Variants in FGL1 observed in about 807,000 individuals in gnomAD.
FGL1 encodes the protein fibrinogen-like protein 1.
FGL1 carries 59 observed loss-of-function variants against 43.7 expected under a neutral mutation model. The ratio of observed to expected loss-of-function variants is 1.35; its 90% CI spans 1.10 to 1.68. FGL1 has a LOEUF of 1.68. FGL1 is among the 40% of genes most tolerant of loss of function. The probability of loss-of-function intolerance (pLI) is 0.00; values close to 1 mark genes in which losing one functional copy is unlikely to be tolerated. For synonymous variants in FGL1, 192 were observed against 126.5 expected, an observed-to-expected ratio of 1.52 and a Z score of -3.48; for missense variants, 596 against 373.0, an observed-to-expected ratio of 1.60 and a Z score of -4.92.
intron 5 of FGL1, among the ~76,000 whole-genome samples, chr8:17,872,419 C>T (rs1180742190): frequency 2.0e-5 from 3 of 150,964 alleles, no homozygotes; most frequent in African/African-American, 7.4e-5. Flanking sequence ...TCTCCTGCCT[C>T]AGCCTCCCAA....
intron 2 of FGL1, among the ~76,000 whole-genome samples, chr8:17,883,135 T>A (rs1308205846): frequency 1.4e-5 from 1 of 71,476 alleles, no homozygotes; most frequent in Non-Finnish European, 2.3e-5. Flanking sequence ...ATATATTAAA[T>A]AATATATAAT....
At chr8:17,880,636 C>T (rs2053520935) in intron 3 of FGL1, among the ~76,000 whole-genome samples, 1 of 152,146 alleles carries the variant, frequency 6.6e-6, no homozygotes, top group Non-Finnish European at 1.5e-5. Context: ...CATTCTAGAC[C>T]TCACAGAGTG....
intron 7 of FGL1, 84 bp from the exon 8 acceptor site, chr8:17,864,835 C>G: frequency 8.3e-7 from 1 of 1,204,586 alleles, no homozygotes; most frequent in African/African-American, 1.6e-5. Context: ...GCTACAAATG[C>G]TCAAAATTTT....
intron 3 of FGL1, among the ~76,000 whole-genome samples, chr8:17,877,054 G>C (rs1279884830): frequency 6.6e-6 from 1 of 152,144 alleles, no homozygotes; most frequent in African/African-American, 2.4e-5. Context: ...AACAAGTTAA[G>C]AAGCCTGCTT....
intron 3 of FGL1, among the ~76,000 whole-genome samples, chr8:17,876,971 C>T (rs1276870645): frequency 6.6e-6 from 1 of 152,000 alleles, no homozygotes; most frequent in East Asian, 1.9e-4. Context: ...AGTAACACAA[C>T]AACAAAACCC....
At position 17,864,873 on chromosome 8, in the gene FGL1, AC is replaced by A. The variant is rs1281930430; in HGVS notation, c.780-123del. 3 of 781,092 alleles carry A rather than the reference AC, an allele frequency of 3.8e-6. No individual in the cohort carries two copies. In the East Asian group the frequency reaches 9.8e-5, roughly 25 times the overall value. 48.4% of individuals were successfully genotyped at this position (781,092 alleles called of 1,614,324 possible). On this transcript the variant is annotated intron_variant, in intron 7 of 7. Transcript: ENST00000427924. ...AACTATGAATTCTGCCATTTTTCAG[AC>A]AAGTAAATATTTACTAGTTTCCAAA...
In FGL1 at chr8:17,880,985, C is replaced by T. The variant is rs188100795; in HGVS notation, c.244+1014G>A. 1.7e-4 allele frequency among the ~76,000 whole-genome samples: 26 copies of T among 152,100 alleles called. 1 individual carries two copies. In the East Asian group the frequency reaches 4.1e-3, roughly 24 times the overall value. The stretch of plus-strand genomic sequence containing the variant: ...TCCTTAGTAATTCTGGTTCTTTTTC[C>T]TTTTTCTGCTCCTTTATTTTTTACC... On this transcript the variant is annotated intron_variant, in intron 3 of 7. Coordinates refer to ENST00000427924, the MANE Select transcript of FGL1 (RefSeq NM_004467.4).
chr8:17,864,487 C>G lies in FGL1; in HGVS notation c.*105G>C, dbSNP rs1239393537. 11 of 1,262,816 alleles carry G rather than the reference C, an allele frequency of 8.7e-6. No individual in the cohort carries two copies. In the Admixed American group the frequency reaches 2.3e-4, roughly 26 times the overall value. 78.2% of individuals were successfully genotyped at this position (1,262,816 alleles called of 1,614,324 possible). On this transcript the variant is annotated 3_prime_UTR_variant, in exon 8 of 8. Transcript: ENST00000427924. ...CAAGTGAGAAGAATGAAAAGCACTACTCACAACAGTTATCATGATTGCGCA... is the reference window on the plus strand; with the variant it reads ...CAAGTGAGAAGAATGAAAAGCACTAGTCACAACAGTTATCATGATTGCGCA...
intron 1 of FGL1, among the ~76,000 whole-genome samples, chr8:17,890,517 G>A (rs970308345): frequency 6.6e-6 from 1 of 152,086 alleles, no homozygotes; most frequent in Non-Finnish European, 1.5e-5. Context: ...TCTGTGGTTT[G>A]CTCCATGACA....
intron 7 of FGL1, 30 bp downstream of exon 7, chr8:17,868,518 C>A: frequency 6.4e-7 from 1 of 1,562,660 alleles, no homozygotes; most frequent in Non-Finnish European, 8.7e-7. Context: ...TCATCAACTC[C>A]ATTACAACTA....
In FGL1 at chr8:17,864,565, G is replaced by A. The variant is rs76923924; in HGVS notation, c.*27C>T. ...AAATCACTTTAAACAAAGCTGAATTGCAGAAACGAAAGCCCAACAGCAGCA... is the reference window on the plus strand; with the variant it reads ...AAATCACTTTAAACAAAGCTGAATTACAGAAACGAAAGCCCAACAGCAGCA... On this transcript the variant is annotated 3_prime_UTR_variant, in exon 8 of 8. Coordinates refer to ENST00000427924, the MANE Select transcript of FGL1 (RefSeq NM_004467.4). 35,514 of 1,588,762 alleles carry A rather than the reference G, an allele frequency of 0.022. 633 individuals carry two copies. The highest frequency in any genetic ancestry group is 0.051 in the South Asian group (4,405 of 87,166).
chr8:17,873,786 C>T (rs987206761), intron 5 of FGL1, among the ~76,000 whole-genome samples: 3 of 150,360 alleles, frequency 2.0e-5, no homozygotes, highest in Admixed American at 6.7e-5. Flanking sequence ...AGATATTTCT[C>T]ATAAATATAT....
Position 17,864,492 on chromosome 8 carries a change from AAC to A in FGL1, c.*98_*99del. 1 of 1,311,258 alleles carries A rather than the reference AAC, an allele frequency of 7.6e-7. No individual in the cohort carries two copies. The highest frequency in any genetic ancestry group is 1.0e-6 in the Non-Finnish European group (1 of 962,372). 81.2% of individuals were successfully genotyped at this position (1,311,258 alleles called of 1,614,324 possible). A position where few individuals can be genotyped will look rare whatever the true frequency, so the allele number is the denominator to read the frequency against. The stretch of plus-strand genomic sequence containing the variant: ...GAGAAGAATGAAAAGCACTACTCAC[AAC>A]AGTTATCATGATTGCGCATGGATAT... On this transcript the variant is annotated 3_prime_UTR_variant, in exon 8 of 8. Transcript: ENST00000427924.
intron 1 of FGL1, among the ~76,000 whole-genome samples, chr8:17,887,167 C>A (rs1396389440): frequency 6.6e-6 from 1 of 152,136 alleles, no homozygotes; most frequent in African/African-American, 2.4e-5. Context: ...GCTCTACACT[C>A]TTCCTACCAC....
At chr8:17,865,309 G>A (rs1326905686) in intron 7 of FGL1, among the ~76,000 whole-genome samples, 1 of 152,194 alleles carries the variant, frequency 6.6e-6, no homozygotes, top group African/African-American at 2.4e-5. Flanking sequence ...GCTAAGGTGA[G>A]TGTCAGCAAA....
intron 7 of FGL1, 24 bp downstream of exon 7, chr8:17,868,524 A>G (rs775156332): frequency 4.4e-5 from 69 of 1,582,676 alleles, no homozygotes; most frequent in Non-Finnish European, 5.7e-5. Context: ...ACTCCATTAC[A>G]ACTATGCTCA....
chr8:17,868,917 T>C lies in FGL1; in HGVS notation c.590A>G (p.Lys197Arg). 1 of 1,591,482 alleles carries C rather than the reference T, an allele frequency of 6.3e-7. No individual in the cohort carries two copies. Among genetic ancestry groups the C allele is most frequent in the Non-Finnish European group, 8.5e-7 (1 of 1,170,596 alleles). Residue 197 changes from lysine (K) to arginine (R), a missense_variant and splice_region_variant, in exon 6 of 8, where the codon AAG becomes AGG. Physicochemically the swap from Lys to Arg is conservative, Grantham distance 26. Transcript: ENST00000427924. ...TTACTTCTTAGAAAATTGTAGTACCTTTTCATCTCCAACTTTGAAATTCTT... is the reference window on the plus strand; with the variant it reads ...TTACTTCTTAGAAAATTGTAGTACCCTTTCATCTCCAACTTTGAAATTCTT... ...QYKNFKVGDE[K>R]NFYELNIGEY... is the part of the protein sequence containing the mutation.
chr8:17,870,577 TTCTC>T (rs1209166571), intron 5 of FGL1, among the ~76,000 whole-genome samples: 1 of 152,162 alleles, frequency 6.6e-6, no homozygotes, highest in Non-Finnish European at 1.5e-5. Context: ...GGTTGGCCTC[TTCTC>T]TCTTTCCATC....
At chr8:17,875,547 T>TTCTCTCTCTCTCTCTCTCTCTCTCTCTC (rs1435546270) in intron 3 of FGL1, among the ~76,000 whole-genome samples, 1 of 16,244 alleles carries the variant, frequency 6.2e-5, no homozygotes, top group African/African-American at 1.6e-4. Flanking sequence ...CTTTCTTTCT[T>TTCTCTCTCTCTCTCTCTCTCTCTCTCTC]TCTTTCTTTC....
Sources: gnomAD v4.1 joint callset for allele counts (sites outside exome capture counted in the v4.1 genomes callset) on GRCh38, gnomAD v4.1.1 for gene constraint, MANE v1.5 for transcripts, NCBI Gene and HGNC (gene_info 2026-07-23, HGNC 2026-07-21) for gene names.